The following C13orf46 variants were observed in gnomAD, a reference collection of about 807,000 sequenced individuals.
C13orf46 encodes uncharacterized protein C13orf46.
At position 113,956,508 on chromosome 13, in the gene C13orf46, C is replaced by G. The variant is rs2052535941; in HGVS notation, c.*265G>C. On this transcript the variant is annotated 3_prime_UTR_variant, in exon 7 of 7. Transcript: ENST00000636427. ...TGGGCAGTGGGTTTCAGGCGTGGCT[C>G]ACACCTGGTGTGGTCATCGGCACCC... is the stretch of plus-strand genomic sequence containing the variant. The G allele has an allele frequency of 6.5e-6, 1 of 153,938 alleles. No individual in the cohort carries two copies. Among genetic ancestry groups the G allele is most frequent in the Non-Finnish European group, 1.4e-5 (1 of 69,328 alleles). 9.5% of individuals were successfully genotyped at this position (153,938 alleles called of 1,614,324 possible).
chr13:113,963,227 G>C (rs1411496848), intron 6 of C13orf46, among the ~76,000 whole-genome samples: 21 of 129,052 alleles, frequency 1.6e-4, no homozygotes, highest in Admixed American at 7.8e-4. Flanking sequence ...CCTCAGCCTC[G>C]GCCCCTGTCC....
intron 6 of C13orf46, among the ~76,000 whole-genome samples, chr13:113,957,754 C>T (rs2052551350): frequency 7.3e-6 from 1 of 136,128 alleles, no homozygotes; most frequent in South Asian, 2.5e-4. Flanking sequence ...TACCCCCTTT[C>T]ATCAAGCGCA....
At chr13:113,962,668 C>T (rs1019104707) in intron 6 of C13orf46, among the ~76,000 whole-genome samples, 40 of 152,280 alleles carry the variant, frequency 2.6e-4, no homozygotes, top group African/African-American at 9.4e-4. Flanking sequence ...CACTGCACGC[C>T]ACCAGCAGCC....
At chr13:113,958,811 C>A (rs1031059225) in intron 6 of C13orf46, among the ~76,000 whole-genome samples, 2 of 152,196 alleles carry the variant, frequency 1.3e-5, no homozygotes, top group Non-Finnish European at 2.9e-5. Flanking sequence ...TTGACCCCAG[C>A]ACAGGCCCTT....
At chr13:113,933,881 G>C in the C13orf46 span, among the ~76,000 whole-genome samples, 1 of 152,176 alleles carries the variant, frequency 6.6e-6, no homozygotes, top group South Asian at 2.1e-4. Flanking sequence ...TGGGCACCAC[G>C]CAAGTCACTG....
At chr13:113,953,129 G>A (rs985766980), downstream of C13orf46, among the ~76,000 whole-genome samples, 2 of 152,180 alleles carry the variant, frequency 1.3e-5, no homozygotes, top group East Asian at 1.9e-4. Flanking sequence ...CCAGACCCCC[G>A]GCCTGGCACA....
At chr13:113,927,406 T>A in the C13orf46 span, 1 of 396,434 alleles carries the variant, frequency 2.5e-6, no homozygotes, top group East Asian at 3.6e-5. Context: ...ACCTCCCCCC[T>A]CTCCACCCTC....
chr13:113,958,209 G>A lies in C13orf46; in HGVS notation c.573-1370C>T, dbSNP rs935022286. 1.5e-3 allele frequency among the ~76,000 whole-genome samples: 230 copies of A among 149,000 alleles called. 1 individual carries two copies. Among genetic ancestry groups the A allele is most frequent in the African/African-American group, 5.1e-3 (203 of 39,916 alleles). On this transcript the variant is annotated intron_variant, in intron 6 of 6. Coordinates refer to ENST00000636427, the MANE Select transcript of C13orf46 (RefSeq NM_001365455.2). ...CCCCCTTTCATCAAGTGCACTGGGG[G>A]TCTCCCCTGCACTCCACATGCACCC...
At chr13:113,963,927 C>T (rs1006690013) in intron 6 of C13orf46, among the ~76,000 whole-genome samples, 21 of 152,086 alleles carry the variant, frequency 1.4e-4, no homozygotes, top group African/African-American at 4.3e-4. Flanking sequence ...CTCGGTTCAC[C>T]GCAACCTCCG....
chr13:113,947,308 T>C, the C13orf46 span, among the ~76,000 whole-genome samples: 324 of 152,080 alleles, frequency 2.1e-3, 3 homozygotes, highest in Middle Eastern at 0.02. Flanking sequence ...GGGAGTAAAA[T>C]ACTGGCTGCT....
chr13:113,945,152 T>C, the C13orf46 span, among the ~76,000 whole-genome samples: 1 of 152,106 alleles, frequency 6.6e-6, no homozygotes, highest in African/African-American at 2.4e-5. Flanking sequence ...GGCTCTCCAG[T>C]TGTGCGTGGG....
chr13:113,962,480 C>A (rs1440069882), intron 6 of C13orf46, among the ~76,000 whole-genome samples: 3 of 152,226 alleles, frequency 2.0e-5, no homozygotes, highest in Admixed American at 1.3e-4. Context: ...AGCTGATGCC[C>A]ATTCATTACA....
At chr13:113,942,448 C>T in the C13orf46 span, among the ~76,000 whole-genome samples, 5 of 152,136 alleles carry the variant, frequency 3.3e-5, no homozygotes, top group Non-Finnish European at 5.9e-5. Context: ...GACGATTATC[C>T]CCTACAGAGG....
the C13orf46 span, among the ~76,000 whole-genome samples, chr13:113,945,967 G>A: frequency 1.2e-3 from 175 of 152,158 alleles, no homozygotes; most frequent in African/African-American, 3.7e-3. Flanking sequence ...ACCCACCGCC[G>A]CCCGTTCACT....
At chr13:113,945,561 GAAAGAAAGAAAGAA>G in the C13orf46 span, among the ~76,000 whole-genome samples, 2,357 of 105,898 alleles carry the variant, frequency 0.022, 134 homozygotes, top group Non-Finnish European at 0.026. Flanking sequence ...AAGAAAGAAA[GAAAGAAAGAAAGAA>G]AGAGAGAGAG....
chr13:113,953,452 CG>C (rs2138967135), downstream of C13orf46, among the ~76,000 whole-genome samples: 1 of 152,242 alleles, frequency 6.6e-6, no homozygotes, highest in South Asian at 2.1e-4. Flanking sequence ...GCTCTTCCCC[CG>C]GACACTGTGA....
chr13:113,966,174 A>ATGG (rs1594251076), intron 5 of C13orf46, among the ~76,000 whole-genome samples: 22 of 74,880 alleles, frequency 2.9e-4, no homozygotes, highest in East Asian at 2.9e-3. Context: ...GGTGATGGTG[A>ATGG]TGATGATGAT....
At chr13:113,969,164 T>C (rs1185356543) in intron 2 of C13orf46, among the ~76,000 whole-genome samples, 4 of 152,218 alleles carry the variant, frequency 2.6e-5, no homozygotes, top group African/African-American at 9.6e-5. Flanking sequence ...GGGTCCACGG[T>C]TGGCCCTGCT....
chr13:113,937,382 C>A, the C13orf46 span, among the ~76,000 whole-genome samples: 3 of 152,160 alleles, frequency 2.0e-5, no homozygotes, highest in Admixed American at 6.5e-5. Context: ...CAGCCGTAAA[C>A]CCGCACAGGT....
Sources: allele counts gnomAD v4.1 joint callset (sites outside exome capture counted in the v4.1 genomes callset), GRCh38; gene constraint gnomAD v4.1.1; transcripts MANE v1.5; gene names NCBI Gene and HGNC (gene_info 2026-07-23, HGNC 2026-07-21).